FOXN4: variants seen among roughly 807,000 people sequenced by gnomAD.
FOXN4 encodes forkhead box protein N4.
FOXN4 carries 12 observed loss-of-function variants against 45.0 expected under a neutral mutation model. That is an observed-to-expected ratio of 0.27 (90% CI 0.17 to 0.43). FOXN4 has a LOEUF of 0.43. FOXN4 is among the 20% of genes least tolerant of loss of function. The probability of loss-of-function intolerance (pLI) is 1.00; values close to 1 mark genes in which losing one functional copy is unlikely to be tolerated. For synonymous variants in FOXN4, 297 were observed against 295.0 expected (o/e 1.01, Z -0.07); for missense variants, 560 against 694.9 (o/e 0.81, Z 2.18).
At chr12:109,289,123 C>T (rs1027052012) in intron 3 of FOXN4, among the ~76,000 whole-genome samples, 2 of 152,216 alleles carry the variant, frequency 1.3e-5, no homozygotes, top group Non-Finnish European at 2.9e-5. Flanking sequence ...CACAATGTCC[C>T]ATGCAGGCAG....
chr12:109,279,986 C>G, intron 9 of FOXN4, 56 bp from the exon 10 acceptor site: 2 of 1,603,140 alleles, frequency 1.2e-6, no homozygotes, highest in Non-Finnish European at 1.7e-6. Context: ...GACCTGAGTT[C>G]GAATCCCCCA....
intron 2 of FOXN4, among the ~76,000 whole-genome samples, chr12:109,297,030 C>A (rs990355615): frequency 3.9e-5 from 6 of 152,206 alleles, no homozygotes; most frequent in African/African-American, 1.4e-4. Flanking sequence ...TCTAGGGTCA[C>A]CCAGCCAGGG....
chr12:109,306,143 G>A (rs1240367725), intron 2 of FOXN4, among the ~76,000 whole-genome samples: 1 of 152,162 alleles, frequency 6.6e-6, no homozygotes, highest in Non-Finnish European at 1.5e-5. Context: ...CCCACCGTGA[G>A]AGCCCTCCAT....
intron 6 of FOXN4, 153 bp from the exon 7 acceptor site, chr12:109,286,897 T>G (rs370209069): frequency 1.4e-6 from 2 of 1,430,610 alleles, no homozygotes; most frequent in African/African-American, 1.4e-5. Context: ...TCAATATCTT[T>G]TCATGGCCCG....
At chr12:109,304,690 C>G in intron 2 of FOXN4, among the ~76,000 whole-genome samples, 1 of 152,228 alleles carries the variant, frequency 6.6e-6, no homozygotes, top group African/African-American at 2.4e-5. Flanking sequence ...AACGGCCAAA[C>G]TCAGCCCCAG....
At chr12:109,283,070 T>C (rs2047668148) in intron 8 of FOXN4, among the ~76,000 whole-genome samples, 1 of 152,082 alleles carries the variant, frequency 6.6e-6, no homozygotes, top group South Asian at 2.1e-4. Flanking sequence ...CGCATGGTGA[T>C]ACCCAACAGA....
intron 2 of FOXN4, among the ~76,000 whole-genome samples, chr12:109,299,097 C>T (rs1049447043): frequency 1.6e-4 from 24 of 152,078 alleles, no homozygotes; most frequent in African/African-American, 4.6e-4. Context: ...TCTCAAACTA[C>T]GTGGGTGATC....
Position 109,281,477 on chromosome 12 carries a change from G to A in FOXN4, c.1224C>T (p.Ile408=). 1.2e-6 allele frequency: 2 copies of A among 1,614,044 alleles called. No homozygotes were observed. Among genetic ancestry groups the A allele is most frequent in the Non-Finnish European group, 1.7e-6 (2 of 1,179,900 alleles). The change falls in exon 9 of 10, where the codon ATC becomes ATT. Residue 408 remains isoleucine, a synonymous_variant. Transcript: ENST00000299162. ...CAGTGTTCATGTCGGTGCTGATGTT[G>A]ATGAAGTCTACAGGAGCCCTTCCCA... ...PAMGRAPVDF[I]NISTDMNTEV...
rs142065643 is a variant in FOXN4 at position 109,292,881 on chromosome 12, C to T, written c.87-2595G>A. On this transcript the variant is annotated intron_variant, in intron 2 of 9. Coordinates refer to ENST00000299162, the MANE Select transcript of FOXN4 (RefSeq NM_213596.3). Reference sequence around the variant, plus strand: ...ATAGAGTGAGGATTACACGAAGTCACGTATAAAGGGCTGAGCACAAGGCTG... The same window carrying T: ...ATAGAGTGAGGATTACACGAAGTCATGTATAAAGGGCTGAGCACAAGGCTG... Among the ~76,000 whole-genome samples the T allele has an allele frequency of 6.0e-4, 91 of 152,228 alleles. No homozygotes were observed. The East Asian group carries it at 0.017, about 29-fold the overall frequency.
At chr12:109,284,545 TTGTGTGTGCGCACG>T (rs911238159) in intron 8 of FOXN4, among the ~76,000 whole-genome samples, 44 of 141,110 alleles carry the variant, frequency 3.1e-4, no homozygotes, top group Non-Finnish European at 7.8e-5. Flanking sequence ...CCTCTTCCAC[TTGTGTGTGCGCACG>T]TGTGTGTGCG....
chr12:109,285,473 G>A lies in FOXN4; in HGVS notation c.732C>T (p.Asn244=), dbSNP rs1403811471. The part of the protein sequence containing the change: ...PDGWKNSVRH[N]LSLNKCFEKV... ...TCTCGAAGCACTTGTTCAGAGACAG[G>A]TTGTGCCGCACCGAGTTCTTCCACC... The change falls in exon 8 of 10, where the codon AAC becomes AAT. Residue 244 remains asparagine, a synonymous_variant. Transcript: ENST00000299162. 1.2e-6 allele frequency: 2 copies of A among 1,614,110 alleles called. No individual in the cohort carries two copies. Among genetic ancestry groups the A allele is most frequent in the African/African-American group, 1.3e-5 (1 of 75,050 alleles).
At position 109,305,510 on chromosome 12, in the gene FOXN4, C is replaced by CCTG. The variant is rs2047913539; in HGVS notation, c.86+2725_86+2726insCAG. Among the ~76,000 whole-genome samples, 15 of 152,222 alleles carry CCTG rather than the reference C, an allele frequency of 9.9e-5. No individual in the cohort carries two copies. The South Asian group carries it at 3.1e-3, about 32-fold the overall frequency. On this transcript the variant is annotated intron_variant, in intron 2 of 9. Coordinates refer to ENST00000299162, the MANE Select transcript of FOXN4 (RefSeq NM_213596.3). ...TGGAGGGAGGTCGAGGCAAGTGGAT[C>CCTG]ACTTGAGGTCAGGAGTTTGAGACCA...
At chr12:109,289,234 G>A (rs2047743771) in intron 3 of FOXN4, among the ~76,000 whole-genome samples, 1 of 152,176 alleles carries the variant, frequency 6.6e-6, no homozygotes, top group Non-Finnish European at 1.5e-5. Flanking sequence ...TCAGGGGTTG[G>A]CAAACTGGCA....
intron 2 of FOXN4, among the ~76,000 whole-genome samples, chr12:109,295,263 C>T (rs2136935415): frequency 6.6e-6 from 1 of 152,312 alleles, no homozygotes; most frequent in East Asian, 1.9e-4. Flanking sequence ...TAAGTTTCTC[C>T]TCTACTGGAA....
chr12:109,284,515 T>C (rs544845694), intron 8 of FOXN4, among the ~76,000 whole-genome samples: 2 of 151,888 alleles, frequency 1.3e-5, no homozygotes, highest in Admixed American at 6.5e-5. Flanking sequence ...CATGCTCTGG[T>C]GGATGGTGGC....
chr12:109,296,936 G>C (rs1425446632), intron 2 of FOXN4, among the ~76,000 whole-genome samples: 1 of 152,210 alleles, frequency 6.6e-6, no homozygotes, highest in African/African-American at 2.4e-5. Context: ...ATCCTTGCAA[G>C]AGCCTGATCA....
chr12:109,287,312 A>G lies in FOXN4; in HGVS notation c.596+85T>C. 6 of 1,508,658 alleles carry G rather than the reference A, an allele frequency of 4.0e-6. No individual in the cohort carries two copies. Among genetic ancestry groups the G allele is most frequent in the Non-Finnish European group, 5.4e-6 (6 of 1,116,280 alleles). 93.5% of individuals were successfully genotyped at this position (1,508,658 alleles called of 1,614,324 possible). On this transcript the variant is annotated intron_variant, in intron 6 of 9. Coordinates refer to ENST00000299162, the MANE Select transcript of FOXN4 (RefSeq NM_213596.3). This position sits in a 1 kb window ranked among gnomAD's most constrained non-coding sequence, Gnocchi z 4.1. ...CCTTGGAAGTCTGGGCTGCCACACT[A>G]GCTGTCTGAGATGCCCTGAGGGCAG...
rs1380297623 is a variant in FOXN4 at position 109,308,169 on chromosome 12, C to G, written c.86+67G>C. On this transcript the variant is annotated intron_variant, in intron 2 of 9. Transcript: ENST00000299162. The stretch of plus-strand genomic sequence containing the variant: ...ATAGTTCTTGGGCAGTTTCAGAAAC[C>G]ATAAACAGCATACAAACACTTTGAG... 2.3e-6 allele frequency: 3 copies of G among 1,300,738 alleles called. No homozygotes were observed. In the African/African-American group the frequency reaches 4.5e-5, roughly 19 times the overall value. 80.6% of individuals were successfully genotyped at this position (1,300,738 alleles called of 1,614,324 possible).
At chr12:109,302,246 G>A (rs913633517) in intron 2 of FOXN4, among the ~76,000 whole-genome samples, 12 of 152,202 alleles carry the variant, frequency 7.9e-5, no homozygotes, top group Admixed American at 5.9e-4. Context: ...CCACTGTCCC[G>A]TGATTGTTGC....
Sources: allele counts gnomAD v4.1 joint callset (sites outside exome capture counted in the v4.1 genomes callset), GRCh38; gene constraint gnomAD v4.1.1; non-coding constraint Gnocchi (gnomAD v3.1); transcripts MANE v1.5; gene names NCBI Gene and HGNC (gene_info 2026-07-23, HGNC 2026-07-21).